Variants in EXOC6 observed in about 807,000 individuals in gnomAD.
The protein encoded by EXOC6 is exocyst complex component 6, also known as SEC15-like 1.
EXOC6 carries 60 observed loss-of-function variants against 112.5 expected under a neutral mutation model. The observed-to-expected ratio is 0.53, with a 90% CI of 0.43 to 0.66. EXOC6 has a LOEUF of 0.66. EXOC6 is among the 30% of genes least tolerant of loss of function. EXOC6 has a pLI of 0.00. For synonymous variants in EXOC6, 295 were observed against 308.0 expected, an observed-to-expected ratio of 0.96 and a Z score of 0.44; for missense variants, 855 against 957.1, an observed-to-expected ratio of 0.89 and a Z score of 1.41.
intron 1 of EXOC6, among the ~76,000 whole-genome samples, chr10:92,859,848 T>TGA (rs1230290895): frequency 2.6e-5 from 4 of 151,500 alleles, no homozygotes; most frequent in Admixed American, 6.6e-5. Flanking sequence ...TGTGTGTGTG[T>TGA]GTGTGTGTGT....
At chr10:92,993,699 T>A (rs1392963232) in intron 18 of EXOC6, among the ~76,000 whole-genome samples, 1 of 152,210 alleles carries the variant, frequency 6.6e-6, no homozygotes, top group African/African-American at 2.4e-5. Context: ...AAACAGAGTG[T>A]CTTTAGCCTA....
intron 20 of EXOC6, among the ~76,000 whole-genome samples, chr10:93,014,746 A>G (rs2134238048): frequency 6.6e-6 from 1 of 152,336 alleles, no homozygotes; most frequent in African/African-American, 2.4e-5. Flanking sequence ...GAAGGATAAA[A>G]TAAGTTTTAA....
At chr10:92,949,741 C>G (rs558145679) in intron 14 of EXOC6, among the ~76,000 whole-genome samples, 1 of 151,850 alleles carries the variant, frequency 6.6e-6, no homozygotes, top group Admixed American at 6.6e-5. Flanking sequence ...TACAGGCATG[C>G]GCCACCATGC....
chr10:93,050,759 CAA>C (rs58439083), intron 20 of EXOC6, among the ~76,000 whole-genome samples: 89 of 37,306 alleles, frequency 2.4e-3, no homozygotes, highest in African/African-American at 7.1e-3. Flanking sequence ...GACTCCGTCT[CAA>C]AAAAAAAAAA....
intron 1 of EXOC6, among the ~76,000 whole-genome samples, chr10:92,843,057 C>A (rs1266788340): frequency 2.0e-5 from 3 of 152,172 alleles, no homozygotes; most frequent in Admixed American, 2.0e-4. Flanking sequence ...TGAACAAAAC[C>A]CGGGGCTAGT....
At chr10:92,831,985 T>C (rs765674982), upstream of EXOC6, among the ~76,000 whole-genome samples, 1 of 152,232 alleles carries the variant, frequency 6.6e-6, no homozygotes, top group African/African-American at 2.4e-5. Flanking sequence ...CCATGTGATA[T>C]TTAGAACTGG....
intron 12 of EXOC6, among the ~76,000 whole-genome samples, chr10:92,939,839 G>A (rs1485816288): frequency 6.6e-6 from 1 of 152,074 alleles, no homozygotes; most frequent in Non-Finnish European, 1.5e-5. Flanking sequence ...CAGGTAGAGT[G>A]AGATCATTGA....
chr10:92,946,354 A>C (rs1222534973), intron 13 of EXOC6, among the ~76,000 whole-genome samples: 3 of 152,000 alleles, frequency 2.0e-5, no homozygotes, highest in African/African-American at 7.2e-5. Context: ...AAATTGCACC[A>C]CCGCACTCCA....
intron 3 of EXOC6, 24 bp downstream of exon 3, chr10:92,894,865 G>C: frequency 6.2e-7 from 1 of 1,611,804 alleles, no homozygotes; most frequent in East Asian, 2.2e-5. Context: ...ACTTTTCTGG[G>C]TATTCAGTAT....
intron 14 of EXOC6, among the ~76,000 whole-genome samples, chr10:92,951,182 T>A (rs957109763): frequency 5.9e-5 from 9 of 152,152 alleles, no homozygotes; most frequent in African/African-American, 2.2e-4. Flanking sequence ...AATGGGTAGA[T>A]ACATGAATTT....
At position 92,974,058 on chromosome 10, in the gene EXOC6, T is replaced by G; in HGVS notation, c.1779T>G (p.Ala593=). The G allele has an allele frequency of 6.3e-7, 1 of 1,587,272 alleles. No homozygotes were observed. Among genetic ancestry groups the G allele is most frequent in the Non-Finnish European group, 8.5e-7 (1 of 1,173,092 alleles). The change falls in exon 18 of 22, where the codon GCT becomes GCG. Residue 593 remains alanine, a synonymous_variant. Transcript: ENST00000260762. ...GTTATTTTGTCCCATGTCAGGATGC[T>G]CGACATGCAGCAGAAGGAGAAATAT... ...RLYGLSTFKD[A]RHAAEGEIYT...
At chr10:92,905,158 C>T (rs941662839) in intron 5 of EXOC6, among the ~76,000 whole-genome samples, 1 of 152,006 alleles carries the variant, frequency 6.6e-6, no homozygotes, top group Non-Finnish European at 1.5e-5. Context: ...CTTTACCATA[C>T]AGTCTTTAAT....
At position 92,896,050 on chromosome 10, in the gene EXOC6, T is replaced by C. The variant is rs1270647546; in HGVS notation, c.412+1030T>C. Among the ~76,000 whole-genome samples the C allele has an allele frequency of 5.5e-3, 263 of 47,778 alleles. 1 individual carries two copies. The highest frequency in any genetic ancestry group is 0.032 in the African/African-American group (252 of 7,886). 31.3% of individuals were successfully genotyped at this position (47,778 alleles called of 152,430 possible). A position where few individuals can be genotyped will look rare whatever the true frequency, so the allele number is the denominator to read the frequency against. On this transcript the variant is annotated intron_variant, in intron 4 of 21. Coordinates refer to ENST00000260762, the MANE Select transcript of EXOC6 (RefSeq NM_019053.6). The stretch of plus-strand genomic sequence containing the variant: ...ATATATGTGTGTATATATATGTGTA[T>C]ATATATGTGTATATATATGTGTATA...
At chr10:92,868,673 C>A (rs920024269) in intron 1 of EXOC6, among the ~76,000 whole-genome samples, 1 of 152,116 alleles carries the variant, frequency 6.6e-6, no homozygotes, top group African/African-American at 2.4e-5. Flanking sequence ...TATCCAAGAA[C>A]ATGTTATGTC....
At chr10:92,876,502 A>G (rs1275641168) in intron 1 of EXOC6, among the ~76,000 whole-genome samples, 4 of 152,218 alleles carry the variant, frequency 2.6e-5, no homozygotes, top group Non-Finnish European at 5.9e-5. Flanking sequence ...TACACTTTTA[A>G]TCACTGTGCT....
intron 1 of EXOC6, among the ~76,000 whole-genome samples, chr10:92,858,409 A>AT (rs1312477011): frequency 1.3e-5 from 2 of 151,314 alleles, no homozygotes; most frequent in Non-Finnish European, 2.9e-5. Flanking sequence ...CATTTTCCTT[A>AT]TTCTTTTTTC....
At chr10:92,973,672 T>G (rs1842384845) in intron 17 of EXOC6, among the ~76,000 whole-genome samples, 2 of 152,248 alleles carry the variant, frequency 1.3e-5, no homozygotes, top group Admixed American at 1.3e-4. Context: ...ATAGTCCAAC[T>G]TAATTGCTCT....
intron 1 of EXOC6, among the ~76,000 whole-genome samples, chr10:92,837,040 A>G (rs938869000): frequency 2.0e-5 from 3 of 151,910 alleles, no homozygotes; most frequent in African/African-American, 7.3e-5. Context: ...TTACTAAGAT[A>G]TAAGTAAGAC....
intron 4 of EXOC6, among the ~76,000 whole-genome samples, chr10:92,895,317 C>T (rs1446125492): frequency 2.0e-5 from 3 of 152,038 alleles, no homozygotes; most frequent in South Asian, 2.1e-4. Context: ...TGTTTTTCCT[C>T]GGAATACTTT....
Sources: gnomAD v4.1 joint callset for allele counts (sites outside exome capture counted in the v4.1 genomes callset) on GRCh38, gnomAD v4.1.1 for gene constraint, MANE v1.5 for transcripts, NCBI Gene and HGNC (gene_info 2026-07-23, HGNC 2026-07-21) for gene names.